Variants in GRM8 observed in about 807,000 individuals in gnomAD.
GRM8 encodes the protein glutamate metabotropic receptor 8, also known as metabotropic glutamate receptor 8.
Under a neutral mutation model 87.2 loss-of-function variants are expected in GRM8, and 47 were observed. The ratio of observed to expected loss-of-function variants is 0.54; its 90% confidence interval spans 0.43 to 0.69. The LOEUF is 0.69. Ranked by LOEUF, GRM8 falls within the 30% of genes least tolerant of loss-of-function variation. GRM8 has a pLI of 0.00. For synonymous variants in GRM8, 396 were observed against 404.5 expected, an observed-to-expected ratio of 0.98 and a Z score of 0.25; for missense variants, 1,019 against 1,139.2, an observed-to-expected ratio of 0.89 and a Z score of 1.52.
chr7:126,724,409 G>C lies in GRM8; in HGVS notation c.1357+45456C>G, dbSNP rs573369779. On this transcript the variant is annotated intron_variant, in intron 7 of 10. Coordinates refer to ENST00000339582, the MANE Select transcript of GRM8 (RefSeq NM_000845.3). ...GCAAATATACAGCAGGAAAACTCGA[G>C]GCCCTAGAGGATGGCCAAGTCACTG... Among the ~76,000 whole-genome samples, 9 of 152,170 alleles carry C rather than the reference G, an allele frequency of 5.9e-5. No homozygotes were observed. In the South Asian group the frequency reaches 1.7e-3, roughly 28 times the overall value.
intron 2 of GRM8, among the ~76,000 whole-genome samples, chr7:127,170,839 G>C (rs1360071618): frequency 5.3e-5 from 8 of 151,962 alleles, no homozygotes; most frequent in African/African-American, 1.7e-4. Flanking sequence ...GGGGACTCAG[G>C]GGAAAGGGTG....
Position 126,641,891 on chromosome 7 carries a change from G to GA in GRM8, c.1358-32394dup, listed in dbSNP as rs1449059147. On this transcript the variant is annotated intron_variant, in intron 7 of 10. Transcript: ENST00000339582. ...GTGGCAAAATTGTTCTTTTTTATCT[G>GA]AAAAAAAGAAAACTTCTCCACACTT... is the stretch of plus-strand genomic sequence containing the variant. Among the ~76,000 whole-genome samples the GA allele has an allele frequency of 3.3e-5, 5 of 151,902 alleles. No homozygotes were observed. In the East Asian group the frequency reaches 9.7e-4, roughly 29 times the overall value.
At chr7:127,047,207 A>G (rs1177912987) in intron 3 of GRM8, among the ~76,000 whole-genome samples, 1 of 152,234 alleles carries the variant, frequency 6.6e-6, no homozygotes, top group African/African-American at 2.4e-5. Context: ...CTTTTAAGCC[A>G]CAGTGACATA....
chr7:127,135,559 GAATT>G, intron 2 of GRM8, among the ~76,000 whole-genome samples: 1 of 13,808 alleles, frequency 7.2e-5, no homozygotes, highest in Non-Finnish European at 1.5e-4. Context: ...GACAGCTTAA[GAATT>G]AATGAGATCG....
At chr7:126,961,196 A>G (rs1809284324) in intron 3 of GRM8, among the ~76,000 whole-genome samples, 1 of 152,202 alleles carries the variant, frequency 6.6e-6, no homozygotes, top group South Asian at 2.1e-4. Context: ...GCTTGGGAAA[A>G]AAAAGTGAAA....
chr7:127,230,317 A>T (rs1229969691), intron 2 of GRM8, among the ~76,000 whole-genome samples: 1 of 152,070 alleles, frequency 6.6e-6, no homozygotes, highest in Non-Finnish European at 1.5e-5. Flanking sequence ...AATCCTTTGA[A>T]GTTTTGTCAT....
chr7:126,600,751 T>G (rs1026381245), intron 8 of GRM8, among the ~76,000 whole-genome samples: 1 of 152,300 alleles, frequency 6.6e-6, no homozygotes. Flanking sequence ...AATCATATTG[T>G]TATCTTTTAT....
chr7:126,755,332 A>G (rs538520612), intron 7 of GRM8, among the ~76,000 whole-genome samples: 1 of 152,076 alleles, frequency 6.6e-6, no homozygotes, highest in East Asian at 1.9e-4. Context: ...GCTGAAGTTT[A>G]TCTAGAAGGA....
intron 6 of GRM8, among the ~76,000 whole-genome samples, chr7:126,834,382 C>A (rs1381000008): frequency 6.6e-6 from 1 of 152,088 alleles, no homozygotes; most frequent in Non-Finnish European, 1.5e-5. Flanking sequence ...AGGGCCTCTC[C>A]CTTACAATAT....
chr7:126,971,809 T>C (rs1810459495), intron 3 of GRM8, among the ~76,000 whole-genome samples: 1 of 152,050 alleles, frequency 6.6e-6, no homozygotes, highest in Non-Finnish European at 1.5e-5. Context: ...AAGGCAAAAG[T>C]CCAAAGATTT....
chr7:126,683,771 A>G (rs890099820), intron 7 of GRM8, among the ~76,000 whole-genome samples: 3 of 152,218 alleles, frequency 2.0e-5, no homozygotes, highest in Admixed American at 6.5e-5. Context: ...TTTGTTGGAA[A>G]GACTTATGGT....
At chr7:126,474,459 A>T (rs188141888) in intron 9 of GRM8, among the ~76,000 whole-genome samples, 1 of 152,220 alleles carries the variant, frequency 6.6e-6, no homozygotes, top group Admixed American at 6.5e-5. Flanking sequence ...TGTAGAGATG[A>T]GGTTTCACCA....
intron 8 of GRM8, among the ~76,000 whole-genome samples, chr7:126,564,016 T>G (rs565794324): frequency 1.3e-5 from 2 of 152,172 alleles, no homozygotes; most frequent in Non-Finnish European, 2.9e-5. Context: ...GTGATGGTTA[T>G]GGTTATATTT....
At chr7:126,913,044 G>T (rs1340880412) in intron 3 of GRM8, among the ~76,000 whole-genome samples, 1 of 152,150 alleles carries the variant, frequency 6.6e-6, no homozygotes, top group Non-Finnish European at 1.5e-5. Flanking sequence ...TATGTTTTTA[G>T]TTGTTGCTCA....
chr7:126,788,810 G>A (rs1459720007), intron 6 of GRM8, among the ~76,000 whole-genome samples: 3 of 147,096 alleles, frequency 2.0e-5, no homozygotes, highest in Non-Finnish European at 3.0e-5. Context: ...AAACCTCAGA[G>A]ACAGAAAAAA....
chr7:126,826,937 A>G (rs1406478562), intron 6 of GRM8, among the ~76,000 whole-genome samples: 1 of 152,188 alleles, frequency 6.6e-6, no homozygotes, highest in Non-Finnish European at 1.5e-5. Context: ...CCATATGGCT[A>G]ACCAGTTTTC....
At chr7:126,658,871 G>A (rs1026765998) in intron 7 of GRM8, among the ~76,000 whole-genome samples, 15 of 151,954 alleles carry the variant, frequency 9.9e-5, no homozygotes, top group Admixed American at 3.9e-4. Context: ...CTGGCCGCGC[G>A]GCTAGGGGAC....
At chr7:126,708,586 G>C (rs1410151752) in intron 7 of GRM8, among the ~76,000 whole-genome samples, 1 of 150,628 alleles carries the variant, frequency 6.6e-6, no homozygotes, top group Non-Finnish European at 1.5e-5. Flanking sequence ...CACATAGAGA[G>C]AGCTCCATAT....
Position 126,800,844 on chromosome 7 carries a change from C to T in GRM8, c.1157-30779G>A, listed in dbSNP as rs1009876021. On this transcript the variant is annotated intron_variant, in intron 6 of 10. Coordinates refer to ENST00000339582, the MANE Select transcript of GRM8 (RefSeq NM_000845.3). ...TAAAAAGAATGATTAATATGTTTAA[C>T]TGAATAAAAATATAAAACTTGTAAA... Among the ~76,000 whole-genome samples, 101 of 152,028 alleles carry T rather than the reference C, an allele frequency of 6.6e-4. 1 individual carries two copies. The highest frequency in any genetic ancestry group is 2.2e-3 in the African/African-American group (90 of 41,494).
Sources: gnomAD v4.1 joint callset for allele counts (sites outside exome capture counted in the v4.1 genomes callset) on GRCh38, gnomAD v4.1.1 for gene constraint, MANE v1.5 for transcripts, NCBI Gene and HGNC (gene_info 2026-07-23, HGNC 2026-07-21) for gene names.